Variants in REEP5 observed in about 807,000 individuals in gnomAD.
REEP5 encodes the protein receptor accessory protein 5.
A neutral mutation model predicts 22.4 loss-of-function variants in REEP5; 24 were observed. That is an observed-to-expected ratio of 1.07 (90% confidence interval 0.78 to 1.51). REEP5 has a LOEUF of 1.51. Among genes scored for constraint, REEP5 ranks in the 40% most tolerant of loss-of-function variants. REEP5 has a pLI of 0.00. For synonymous variants in REEP5, 103 were observed against 88.6 expected, an observed-to-expected ratio of 1.16 and a Z score of -0.92; for missense variants, 252 against 233.0, an observed-to-expected ratio of 1.08 and a Z score of -0.53.
Position 112,887,043 on chromosome 5 carries a change from T to C in REEP5, c.492A>G (p.Lys164=), listed in dbSNP as rs1357110834. ...SVVKDLKDKA[K]ETADAITKEA... ...CTTTAGTGATGGCATCTGCAGTCTC[T>C]TTGGCCTTGTCTTTAAGGTCCTTGA... Residue 164 remains lysine (K), a synonymous_variant, in exon 4 of 5, where the codon AAA becomes AAG. Coordinates refer to ENST00000379638, the MANE Select transcript of REEP5 (RefSeq NM_005669.5). The C allele has an allele frequency of 2.5e-6, 4 of 1,612,680 alleles. No individual in the cohort carries two copies. The highest frequency in any genetic ancestry group is 3.4e-6 in the Non-Finnish European group (4 of 1,179,036).
chr5:112,887,389 G>A (rs559131632), intron 3 of REEP5, among the ~76,000 whole-genome samples: 7 of 152,296 alleles, frequency 4.6e-5, no homozygotes, highest in African/African-American at 1.7e-4. Flanking sequence ...GAAAAGCTGA[G>A]ACTAAAAAAC....
chr5:112,899,290 G>T (rs1768789197), intron 3 of REEP5, among the ~76,000 whole-genome samples: 1 of 150,494 alleles, frequency 6.6e-6, no homozygotes, highest in African/African-American at 2.4e-5. Context: ...AACATGCTGT[G>T]ATCTGGGAGC....
intron 3 of REEP5, among the ~76,000 whole-genome samples, chr5:112,891,048 C>T (rs1028098835): frequency 6.6e-6 from 1 of 150,480 alleles, no homozygotes; most frequent in African/African-American, 2.5e-5. Flanking sequence ...AATCCTAGAA[C>T]CAAAAATATT....
At chr5:112,909,436 C>G (rs1040903521) in intron 2 of REEP5, among the ~76,000 whole-genome samples, 2 of 151,630 alleles carry the variant, frequency 1.3e-5, no homozygotes, top group Admixed American at 1.3e-4. Flanking sequence ...AAGTAGCTGT[C>G]AGAGGGTTTA....
intron 2 of REEP5, among the ~76,000 whole-genome samples, chr5:112,905,463 C>G (rs531746057): frequency 6.6e-6 from 1 of 151,942 alleles, no homozygotes; most frequent in South Asian, 2.1e-4. Context: ...CTCACTTGAA[C>G]CCGGGAGGCG....
chr5:112,895,501 T>C (rs1768654861), intron 3 of REEP5: 1 of 151,834 alleles, frequency 6.6e-6, no homozygotes, highest in Non-Finnish European at 1.5e-5. Flanking sequence ...ATGAATTAAG[T>C]GTCCACAGTT....
chr5:112,885,479 G>A (rs914682198), intron 4 of REEP5: 17 of 194,998 alleles, frequency 8.7e-5, no homozygotes, highest in African/African-American at 4.0e-4. Context: ...CCATCTATTT[G>A]ATGCTTGACA....
At chr5:112,902,591 A>G in intron 2 of REEP5, 73 bp from the exon 3 acceptor site, 1 of 1,393,416 alleles carries the variant, frequency 7.2e-7, no homozygotes, top group Non-Finnish European at 9.7e-7. Flanking sequence ...ACACTTTCAT[A>G]ACCTGTCCTC....
chr5:112,921,886 G>C, intron 1 of REEP5, 187 bp downstream of exon 1: 1 of 637,512 alleles, frequency 1.6e-6, no homozygotes, highest in Non-Finnish European at 2.4e-6. Context: ...CTCAGCCTGG[G>C]CAGCCCCCGC....
At chr5:112,900,209 G>A (rs1398876267) in intron 3 of REEP5, among the ~76,000 whole-genome samples, 2 of 151,926 alleles carry the variant, frequency 1.3e-5, no homozygotes, top group African/African-American at 2.4e-5. Flanking sequence ...TTTTACTTAT[G>A]GAAATTGTTA....
chr5:112,892,771 T>A, intron 3 of REEP5: 2 of 1,613,712 alleles, frequency 1.2e-6, no homozygotes, highest in Non-Finnish European at 1.7e-6. Flanking sequence ...CCACGACCAC[T>A]ACTACAGCAG....
chr5:112,921,363 C>T, intron 1 of REEP5, 107 bp from the exon 2 acceptor site: 3 of 1,037,064 alleles, frequency 2.9e-6, no homozygotes, highest in Non-Finnish European at 4.4e-6. Flanking sequence ...GTTTTCCTCT[C>T]GACTCGATTA....
At position 112,891,486 on chromosome 5, in the gene REEP5, G is replaced by C. The variant is rs1235217211; in HGVS notation, c.352-4303C>G. On this transcript the variant is annotated intron_variant, in intron 3 of 4. Transcript: ENST00000379638. Reference sequence around the variant, plus strand: ...AATATAAAGGAGAAACAAAATGAAAGTAATTTGTAATATATATAAGTATGC... The same window carrying C: ...AATATAAAGGAGAAACAAAATGAAACTAATTTGTAATATATATAAGTATGC... 4 of 1,010,798 alleles carry C rather than the reference G, an allele frequency of 4.0e-6. No individual in the cohort carries two copies. In the East Asian group the frequency reaches 1.2e-4, roughly 30 times the overall value. 62.6% of individuals were successfully genotyped at this position (1,010,798 alleles called of 1,614,324 possible).
intron 3 of REEP5, among the ~76,000 whole-genome samples, chr5:112,899,870 C>T (rs1768803237): frequency 1.3e-5 from 2 of 152,182 alleles, no homozygotes; most frequent in African/African-American, 4.8e-5. Flanking sequence ...ACTGAGCATA[C>T]CAAATCAGAA....
At chr5:112,888,389 C>G (rs925902071) in intron 3 of REEP5, among the ~76,000 whole-genome samples, 5 of 152,192 alleles carry the variant, frequency 3.3e-5, no homozygotes, top group Non-Finnish European at 5.9e-5. Flanking sequence ...TTGTATAACA[C>G]TCAAAATAAA....
intron 4 of REEP5, among the ~76,000 whole-genome samples, chr5:112,880,625 G>A (rs981967043): frequency 6.6e-6 from 1 of 152,226 alleles, no homozygotes; most frequent in Non-Finnish European, 1.5e-5. Context: ...AGTCTAAAAT[G>A]TGGCAGCATG....
At chr5:112,913,875 C>CCTTT (rs999346672) in intron 2 of REEP5, among the ~76,000 whole-genome samples, 6 of 151,876 alleles carry the variant, frequency 4.0e-5, no homozygotes, top group African/African-American at 1.5e-4. Flanking sequence ...CTCTAAGACC[C>CCTTT]CTTTTAGCTA....
At position 112,921,177 on chromosome 5, in the gene REEP5, G is replaced by C; in HGVS notation, c.198C>G (p.Tyr66Ter). ...GTGTCACTTACGAGATGTAGGCTGG[G>C]TAGCCAAATCCTATCAGGTTGCAGA... ...SLLCNLIGFGYPAYISIKAIE... is the reference protein window; with the variant it reads ...SLLCNLIGFG The change falls in exon 2 of 5, where the codon TAC (tyrosine) becomes TAG (stop). Residue 66 changes from tyrosine (Y) to a stop codon, truncating the protein, a stop_gained. Coordinates refer to ENST00000379638, the MANE Select transcript of REEP5 (RefSeq NM_005669.5). LOFTEE classifies it high-confidence loss of function. 1 of 1,614,124 alleles carries C rather than the reference G, an allele frequency of 6.2e-7. No individual in the cohort carries two copies. The highest frequency in any genetic ancestry group is 8.5e-7 in the Non-Finnish European group (1 of 1,180,008).
At chr5:112,881,627 C>T (rs918894334) in intron 4 of REEP5, among the ~76,000 whole-genome samples, 3 of 152,148 alleles carry the variant, frequency 2.0e-5, no homozygotes, top group African/African-American at 4.8e-5. Context: ...TTCTTCATTG[C>T]CACTTTCAGA....
Sources: allele counts gnomAD v4.1 joint callset (sites outside exome capture counted in the v4.1 genomes callset), GRCh38; gene constraint gnomAD v4.1.1; transcripts MANE v1.5; gene names NCBI Gene and HGNC (gene_info 2026-07-23, HGNC 2026-07-21).